SLC22A8: variants seen among roughly 807,000 people sequenced by gnomAD.
SLC22A8 encodes organic anion transporter 3.
SLC22A8 carries 40 observed loss-of-function variants against 48.4 expected under a neutral mutation model. The ratio of observed to expected loss-of-function variants is 0.83; its 90% confidence interval spans 0.64 to 1.08. The LOEUF is 1.08. SLC22A8 is among the 50% of genes least tolerant of loss of function. The probability of loss-of-function intolerance (pLI) is 0.00; values close to 1 mark genes in which losing one functional copy is unlikely to be tolerated. For synonymous variants in SLC22A8, 268 were observed against 286.3 expected, an observed-to-expected ratio of 0.94 and a Z score of 0.65; for missense variants, 606 against 699.0, an observed-to-expected ratio of 0.87 and a Z score of 1.50.
intron 3 of SLC22A8, among the ~76,000 whole-genome samples, chr11:63,000,187 G>T (rs2086475792): frequency 6.6e-6 from 1 of 152,242 alleles, no homozygotes; most frequent in Middle Eastern, 3.4e-3. Context: ...TCCCCTGGAA[G>T]AAGGGAAGGC....
chr11:63,013,037 C>T (rs888478671), intron 2 of SLC22A8, among the ~76,000 whole-genome samples: 1 of 152,020 alleles, frequency 6.6e-6, no homozygotes, highest in African/African-American at 2.4e-5. Context: ...TGTGTGACCT[C>T]GAGCAAGCTA....
At chr11:63,012,448 C>T (rs897031581) in intron 2 of SLC22A8, among the ~76,000 whole-genome samples, 2 of 152,128 alleles carry the variant, frequency 1.3e-5, no homozygotes, top group East Asian at 1.9e-4. Context: ...TGTGTCTTTG[C>T]GTTTGACCCT....
At chr11:63,001,291 G>GT (rs2086491818) in intron 2 of SLC22A8, among the ~76,000 whole-genome samples, 1 of 151,972 alleles carries the variant, frequency 6.6e-6, no homozygotes. Flanking sequence ...CAGTATTTAG[G>GT]TGTGTCCAAA....
rs2086363166 is a variant in SLC22A8 at position 62,993,200 on chromosome 11, A to G, written c.*37T>C. 6.6e-7 allele frequency: 1 copy of G among 1,522,962 alleles called. No individual in the cohort carries two copies. The highest frequency in any genetic ancestry group is 9.0e-7 in the Non-Finnish European group (1 of 1,105,874). 94.3% of individuals were successfully genotyped at this position (1,522,962 alleles called of 1,614,324 possible). A position where few individuals can be genotyped will look rare whatever the true frequency, so the allele number is the denominator to read the frequency against. Reference sequence around the variant, plus strand: ...ACTCCTAAGGTGCCTGGCTAGGATCAGTCTCTGGAGGGCAGGGAAAGGGGG... The same window carrying G: ...ACTCCTAAGGTGCCTGGCTAGGATCGGTCTCTGGAGGGCAGGGAAAGGGGG... On this transcript the variant is annotated 3_prime_UTR_variant, in exon 11 of 11. Coordinates refer to ENST00000336232, the MANE Select transcript of SLC22A8 (RefSeq NM_004254.4).
intron 5 of SLC22A8, among the ~76,000 whole-genome samples, chr11:62,997,460 G>A (rs978959549): frequency 3.3e-5 from 5 of 151,936 alleles, no homozygotes; most frequent in East Asian, 1.9e-4. Flanking sequence ...TCCTGACCCC[G>A]CGATCCGCCC....
In SLC22A8 at chr11:63,000,713, G is replaced by A. The variant is rs763257202; in HGVS notation, c.437+7C>T. ...ATGCTTCCATGGGCTGTGCCCCCAT[G>A]TCTCACCTGTCAGACAGGTCTCCAA... On this transcript the variant is annotated splice_region_variant and intron_variant, in intron 3 of 10. Coordinates refer to ENST00000336232, the MANE Select transcript of SLC22A8 (RefSeq NM_004254.4). 8 of 1,593,602 alleles carry A rather than the reference G, an allele frequency of 5.0e-6. No individual in the cohort carries two copies. The Admixed American group carries it at 1.3e-4, about 27-fold the overall frequency.
At chr11:62,996,300 A>G (rs2086419758) in intron 5 of SLC22A8, 148 bp from the exon 6 acceptor site, 1 of 814,290 alleles carries the variant, frequency 1.2e-6, no homozygotes, top group Non-Finnish European at 1.9e-6. Context: ...TTAAACTTGG[A>G]CAAACTCTGC....
chr11:63,003,523 A>T (rs1321612762), intron 2 of SLC22A8, among the ~76,000 whole-genome samples: 16 of 152,128 alleles, frequency 1.1e-4, no homozygotes. Flanking sequence ...GGAATGTGCA[A>T]GGGGCCATCT....
intron 2 of SLC22A8, among the ~76,000 whole-genome samples, chr11:63,008,047 G>A (rs1234576229): frequency 1.3e-5 from 2 of 152,206 alleles, no homozygotes; most frequent in African/African-American, 2.4e-5. Context: ...CACCATACAC[G>A]GGAGCTGTTA....
Position 62,993,163 on chromosome 11 carries a change from G to T in SLC22A8, c.*74C>A. 2 of 1,131,366 alleles carry T rather than the reference G, an allele frequency of 1.8e-6. No homozygotes were observed. Among genetic ancestry groups the T allele is most frequent in the South Asian group, 1.5e-5 (1 of 68,748 alleles). 70.1% of individuals were successfully genotyped at this position (1,131,366 alleles called of 1,614,324 possible). On this transcript the variant is annotated 3_prime_UTR_variant, in exon 11 of 11. Coordinates refer to ENST00000336232, the MANE Select transcript of SLC22A8 (RefSeq NM_004254.4). ...CATCCTAGGAGGATGGACCTATATGGGGCCTCCCTATACTCCTAAGGTGCC... is the reference window on the plus strand; with the variant it reads ...CATCCTAGGAGGATGGACCTATATGTGGCCTCCCTATACTCCTAAGGTGCC...
Position 62,994,330 on chromosome 11 carries a change from T to A in SLC22A8, c.1216+212A>T, listed in dbSNP as rs536160243. On this transcript the variant is annotated intron_variant, in intron 8 of 10. Transcript: ENST00000336232. ...TCACACTATCCAGATACCACCATAC[T>A]TTTTGCCCAGTCCAAGTCAGATCTG... 26 of 583,566 alleles carry A rather than the reference T, an allele frequency of 4.5e-5. No individual in the cohort carries two copies. The African/African-American group carries it at 4.7e-4, about 11-fold the overall frequency. 36.1% of individuals were successfully genotyped at this position (583,566 alleles called of 1,614,324 possible).
Position 62,994,815 on chromosome 11 carries a change from C to G in SLC22A8, c.1002-59G>C, listed in dbSNP as rs2086395742. On this transcript the variant is annotated intron_variant, in intron 7 of 10. Transcript: ENST00000336232. Reference sequence around the variant, plus strand: ...AGCCAGGCAGAGGCCACTCCCCATGCTGGTCATTGGGTCACCAGGATGATG... The same window carrying G: ...AGCCAGGCAGAGGCCACTCCCCATGGTGGTCATTGGGTCACCAGGATGATG... 5 of 1,298,678 alleles carry G rather than the reference C, an allele frequency of 3.9e-6. No individual in the cohort carries two copies. The East Asian group carries it at 9.2e-5, about 24-fold the overall frequency. 80.4% of individuals were successfully genotyped at this position (1,298,678 alleles called of 1,614,324 possible).
rs1457076673 is a variant in SLC22A8 at position 63,014,814 on chromosome 11, A to G, written c.145T>C (p.Cys49Arg). Residue 49 changes from cysteine to arginine, a missense_variant, in exon 2 of 11, where the codon TGT (cysteine) becomes CGT (arginine). By Grantham distance (180) the Cys-to-Arg change is radical (BLOSUM62 -3). Transcript: ENST00000336232. The stretch of plus-strand genomic sequence containing the variant: ...GTGGAGGCATTGTGGGGCGGGCGAC[A>G]GTGGTGGACAGGGGTGGCGGCTGTG... ...IFTAATPVHH[C>R]RPPHNASTGP... The G allele has an allele frequency of 6.2e-7, 1 of 1,612,794 alleles. No individual in the cohort carries two copies. The highest frequency in any genetic ancestry group is 1.1e-5 in the South Asian group (1 of 91,008).
intron 2 of SLC22A8, among the ~76,000 whole-genome samples, chr11:63,008,129 A>ATCTCCTTGAT (rs552332402): frequency 1.4e-3 from 210 of 152,360 alleles, no homozygotes; most frequent in African/African-American, 5.0e-3. Flanking sequence ...TCAAGGTCAG[A>ATCTCCTTGAT]GCCAGATAAG....
chr11:63,005,352 T>G (rs935783039), intron 2 of SLC22A8, among the ~76,000 whole-genome samples: 1 of 152,248 alleles, frequency 6.6e-6, no homozygotes, highest in Non-Finnish European at 1.5e-5. Flanking sequence ...TCGTGTTATT[T>G]CTTTTTATAG....
chr11:62,999,232 C>G (rs2086462175), intron 4 of SLC22A8, 143 bp from the exon 5 acceptor site: 3 of 675,022 alleles, frequency 4.4e-6, no homozygotes, highest in Non-Finnish European at 7.6e-6. Flanking sequence ...TTGGGTCTTC[C>G]TGCTGTTCTG....
Position 62,995,750 on chromosome 11 carries a change from G to A in SLC22A8, c.955C>T (p.Arg319Trp), listed in dbSNP as rs375126847. 5.0e-6 allele frequency: 8 copies of A among 1,614,020 alleles called. No homozygotes were observed. The highest frequency in any genetic ancestry group is 2.2e-5 in the South Asian group (2 of 91,088). ...GTCATGCGGCGCAGCATGGGTATCC[G>A]GAACAGGTCACTTGCGGTGTACTTG... ...KAKYTASDLFRIPMLRRMTFC... is the reference protein window; with the variant it reads ...KAKYTASDLFWIPMLRRMTFC... The change falls in exon 7 of 11, where the codon CGG becomes TGG. Residue 319 changes from arginine to tryptophan, a missense_variant. By Grantham distance (101) the Arg-to-Trp change is moderately radical. Coordinates refer to ENST00000336232, the MANE Select transcript of SLC22A8 (RefSeq NM_004254.4).
At chr11:62,993,675 A>G (rs1161705922) in intron 9 of SLC22A8, 48 bp from the exon 10 acceptor site, 1 of 1,599,642 alleles carries the variant, frequency 6.3e-7, no homozygotes, top group Non-Finnish European at 8.6e-7. Context: ...TGGGGTTCAT[A>G]AAGGATGGCT....
intron 2 of SLC22A8, among the ~76,000 whole-genome samples, chr11:63,010,288 C>T (rs1000358390): frequency 6.6e-6 from 1 of 152,194 alleles, no homozygotes; most frequent in Non-Finnish European, 1.5e-5. Flanking sequence ...GGTTCACGAT[C>T]CCACACTGTT....
Sources: allele counts gnomAD v4.1 joint callset (sites outside exome capture counted in the v4.1 genomes callset), GRCh38; gene constraint gnomAD v4.1.1; transcripts MANE v1.5; gene names NCBI Gene and HGNC (gene_info 2026-07-23, HGNC 2026-07-21).